The following IKBKB variants were observed in gnomAD, a reference collection of about 807,000 sequenced individuals.
IKBKB encodes the protein inhibitor of nuclear factor kappa B kinase subunit beta.
In IKBKB, 42 loss-of-function variants were observed where a neutral mutation model predicts 113.6. The observed-to-expected ratio is 0.37, with a 90% CI of 0.29 to 0.48. The LOEUF (loss-of-function observed/expected upper bound fraction) is 0.48. Ranked by LOEUF, IKBKB falls within the 20% of genes least tolerant of loss-of-function variation. The pLI, the probability that IKBKB is intolerant of heterozygous loss-of-function variation, is 0.99. For synonymous variants in IKBKB, 296 were observed against 361.3 expected (o/e 0.82, Z 2.05); for missense variants, 673 against 939.7 (o/e 0.72, Z 3.71).
intron 9 of IKBKB, among the ~76,000 whole-genome samples, chr8:42,315,994 G>A (rs931524464): frequency 6.6e-6 from 1 of 152,184 alleles, no homozygotes; most frequent in Non-Finnish European, 1.5e-5. Flanking sequence ...GCCATTTGGA[G>A]GTCAGCAATC....
At chr8:42,274,778 GCCGGCGCGCCCCCCCCCC>G (rs1354250053) in intron 2 of IKBKB, among the ~76,000 whole-genome samples, 1 of 25,990 alleles carries the variant, frequency 3.8e-5, no homozygotes, top group Non-Finnish European at 6.9e-5. Flanking sequence ...GGTGATCCCC[GCCGGCGCGCCCCCCCCCC>G]CCCCCGCCAT....
At chr8:42,318,521 C>A in intron 12 of IKBKB, 31 bp from the exon 13 acceptor site, 1 of 1,606,882 alleles carries the variant, frequency 6.2e-7, no homozygotes, top group South Asian at 1.1e-5. Flanking sequence ...TGTGGTTATT[C>A]TTTGACAATT....
chr8:42,303,926 T>C (rs1231494590), intron 5 of IKBKB, among the ~76,000 whole-genome samples: 2 of 152,280 alleles, frequency 1.3e-5, no homozygotes, highest in African/African-American at 2.4e-5. Flanking sequence ...ATCTTTTGGC[T>C]TTGTTTATAG....
Position 42,296,232 on chromosome 8 carries a change from C to T in IKBKB, c.388+2720C>T, listed in dbSNP as rs867811299. Among the ~76,000 whole-genome samples the T allele has an allele frequency of 5.3e-5, 8 of 152,350 alleles. No individual in the cohort carries two copies. In the South Asian group the frequency reaches 1.4e-3, roughly 28 times the overall value. Reference sequence around the variant, plus strand: ...CAAATGAGAGCTGGATGCGGTGGCTCACGCCTGTAATCCCAGCACTTTGGG... The same window carrying T: ...CAAATGAGAGCTGGATGCGGTGGCTTACGCCTGTAATCCCAGCACTTTGGG... On this transcript the variant is annotated intron_variant, in intron 5 of 21. Transcript: ENST00000520810.
chr8:42,276,678 C>T (rs896218398), intron 2 of IKBKB, among the ~76,000 whole-genome samples: 1 of 151,180 alleles, frequency 6.6e-6, no homozygotes, highest in African/African-American at 2.4e-5. Flanking sequence ...TTTTCCCAGA[C>T]CAATGCCCTG....
intron 11 of IKBKB, among the ~76,000 whole-genome samples, 197 bp from the exon 12 acceptor site, chr8:42,317,460 A>G (rs1308969087): frequency 6.6e-6 from 1 of 152,220 alleles, no homozygotes; most frequent in Non-Finnish European, 1.5e-5. Context: ...ATAGAATGTA[A>G]TACGTTTGTA....
At chr8:42,324,828 G>C (rs1820439081) in intron 19 of IKBKB, 4 of 153,208 alleles carry the variant, frequency 2.6e-5, no homozygotes. Flanking sequence ...GGCAGTGCAG[G>C]AGCCATCCCC....
At chr8:42,307,751 C>T (rs1337117488) in intron 7 of IKBKB, among the ~76,000 whole-genome samples, 1 of 152,280 alleles carries the variant, frequency 6.6e-6, no homozygotes, top group East Asian at 1.9e-4. Flanking sequence ...ACCCCATGCT[C>T]TAACCAGGAG....
Position 42,322,504 on chromosome 8 carries a change from T to A in IKBKB, c.1986+10T>A. 5 of 1,613,408 alleles carry A rather than the reference T, an allele frequency of 3.1e-6. No homozygotes were observed. The highest frequency in any genetic ancestry group is 4.2e-6 in the Non-Finnish European group (5 of 1,179,918). On this transcript the variant is annotated intron_variant, in intron 19 of 21. Transcript: ENST00000520810. ...CCTGAAGATTGCTTGTGTGAGTGAG[T>A]GCTGTGGTCCCGGGCCCTTGGCCTA...
At chr8:42,317,234 G>T in intron 11 of IKBKB, 1 of 436,824 alleles carries the variant, frequency 2.3e-6, no homozygotes, top group Admixed American at 3.7e-5. Flanking sequence ...AAAGGATGCT[G>T]CACTTTCTTG....
rs779154075 is a variant in IKBKB, at chr8:42,320,730, A to T, written c.1579-5A>T. The T allele has an allele frequency of 1.2e-6, 2 of 1,611,240 alleles. No individual in the cohort carries two copies. Among genetic ancestry groups the T allele is most frequent in the South Asian group, 1.1e-5 (1 of 91,016 alleles). ...CAGTTGACATTAGCACAGCTTTTCC[A>T]TTAGGAGAACGAAGTGAAACTCCTG... On this transcript the variant is annotated splice_polypyrimidine_tract_variant and splice_region_variant and intron_variant, in intron 15 of 21. Transcript: ENST00000520810.
chr8:42,277,884 G>C (rs1016795934), intron 2 of IKBKB, among the ~76,000 whole-genome samples: 6 of 152,182 alleles, frequency 3.9e-5, no homozygotes, highest in African/African-American at 1.4e-4. Flanking sequence ...TATGTGCTAG[G>C]TGCCCCAAAT....
At chr8:42,279,006 AAG>A (rs1243226540) in intron 2 of IKBKB, among the ~76,000 whole-genome samples, 3 of 151,858 alleles carry the variant, frequency 2.0e-5, no homozygotes, top group East Asian at 1.9e-4. Flanking sequence ...GAAAAAAAAA[AAG>A]AGAGAGAGAG....
At chr8:42,277,632 C>T (rs950842038) in intron 2 of IKBKB, among the ~76,000 whole-genome samples, 1 of 152,206 alleles carries the variant, frequency 6.6e-6, no homozygotes, top group Non-Finnish European at 1.5e-5. Context: ...GGACAGGCCT[C>T]CCCCTCCTCC....
At chr8:42,330,048 T>A (rs1821485623) in intron 21 of IKBKB, 1 of 985,302 alleles carries the variant, frequency 1.0e-6, no homozygotes, top group Non-Finnish European at 1.2e-6. Flanking sequence ...AATGTTTTGA[T>A]CAGTTCATTG....
chr8:42,293,083 G>T (rs114139324), intron 4 of IKBKB, among the ~76,000 whole-genome samples: 45 of 152,300 alleles, frequency 3.0e-4, no homozygotes, highest in African/African-American at 1.1e-3. Context: ...TGCCCTCCCA[G>T]CCTGGCCCGT....
Position 42,318,694 on chromosome 8 carries a change from T to C in IKBKB, c.1364+19T>C, listed in dbSNP as rs543816057. On this transcript the variant is annotated intron_variant, in intron 13 of 21. Transcript: ENST00000520810. ...CCGCCATGTAGCGTGCCAGGCTTTT[T>C]TTTTAAACTTAATTTATTTAAAATT... 6.3e-7 allele frequency: 1 copy of C among 1,576,062 alleles called. No homozygotes were observed. Among genetic ancestry groups the C allele is most frequent in the South Asian group, 1.2e-5 (1 of 86,514 alleles).
intron 4 of IKBKB, 115 bp downstream of exon 4, chr8:42,290,388 T>C: frequency 2.7e-6 from 2 of 736,670 alleles, no homozygotes; most frequent in Non-Finnish European, 4.7e-6. Flanking sequence ...GGAGCCCCAG[T>C]GACTCCAGCA....
At chr8:42,290,404 G>C in intron 4 of IKBKB, 131 bp downstream of exon 4, 1 of 679,380 alleles carries the variant, frequency 1.5e-6, no homozygotes, top group Admixed American at 2.3e-5. Context: ...CAGCAGGGCT[G>C]CTTTGCCTCT....
Sources: gnomAD v4.1 joint callset for allele counts (sites outside exome capture counted in the v4.1 genomes callset) on GRCh38, gnomAD v4.1.1 for gene constraint, MANE v1.5 for transcripts, NCBI Gene and HGNC (gene_info 2026-07-23, HGNC 2026-07-21) for gene names.